CXADR: variants seen among roughly 807,000 people sequenced by gnomAD.
CXADR encodes coxsackievirus and adenovirus receptor.
Under a neutral mutation model 40.3 loss-of-function variants are expected in CXADR, and 20 were observed. The ratio of observed to expected loss-of-function variants is 0.50; its 90% CI spans 0.35 to 0.72. CXADR has a LOEUF of 0.72. Among genes scored for constraint, CXADR ranks in the 30% least tolerant of loss-of-function variants. The pLI, the probability that CXADR is intolerant of heterozygous loss-of-function variation, is 0.01. For missense variants in CXADR, 332 were observed against 449.1 expected (o/e 0.74, Z 2.36); for synonymous variants, 150 against 161.3 (o/e 0.93, Z 0.53).
the CXADR span, chr21:17,604,246 G>A: frequency 8.6e-5 from 40 of 462,492 alleles, no homozygotes; most frequent in East Asian, 2.3e-3. Context: ...TTTGAGAGCA[G>A]TCTGGCCAAC....
the CXADR span, among the ~76,000 whole-genome samples, chr21:17,628,981 C>T: frequency 1.3e-5 from 2 of 152,176 alleles, no homozygotes; most frequent in African/African-American, 2.4e-5. Flanking sequence ...CAAAAACACC[C>T]TCACAGACTC....
chr21:17,545,808 T>G (rs1271367768), intron 1 of CXADR, among the ~76,000 whole-genome samples: 1 of 148,728 alleles, frequency 6.7e-6, no homozygotes, highest in Non-Finnish European at 1.5e-5. Context: ...AGACAGAGTT[T>G]CACTGTTATT....
chr21:17,563,461 A>G (rs887621788), intron 6 of CXADR, among the ~76,000 whole-genome samples: 6 of 152,076 alleles, frequency 3.9e-5, no homozygotes, highest in African/African-American at 1.4e-4. Flanking sequence ...CAGAACACAC[A>G]CAACATTTAT....
chr21:17,578,307 G>GT (rs1382283434), intron 7 of CXADR, among the ~76,000 whole-genome samples: 1 of 151,890 alleles, frequency 6.6e-6, no homozygotes, highest in East Asian at 1.9e-4. Context: ...GTTTTTGTCT[G>GT]TTTGTTTAAT....
the CXADR span, chr21:17,611,795 G>A: frequency 6.6e-6 from 1 of 152,206 alleles, no homozygotes; most frequent in Non-Finnish European, 1.5e-5. Flanking sequence ...AAAACCCAAA[G>A]GGAATCCAGA....
intron 1 of CXADR, among the ~76,000 whole-genome samples, chr21:17,528,939 G>A (rs1478341790): frequency 6.6e-5 from 10 of 152,054 alleles, no homozygotes; most frequent in South Asian, 2.1e-4. Flanking sequence ...TCAGTTCTCC[G>A]GGGCAGTTTC....
At chr21:17,575,714 T>C (rs2846886) in intron 7 of CXADR, among the ~76,000 whole-genome samples, 129,482 of 150,338 alleles carry the variant, frequency 0.86, 55,863 homozygotes, top group South Asian at 0.9. Flanking sequence ...AGGATGGTCT[T>C]GATCTCCTGA....
chr21:17,536,238 C>G (rs1162536181), intron 1 of CXADR, among the ~76,000 whole-genome samples: 1 of 152,164 alleles, frequency 6.6e-6, no homozygotes, highest in Non-Finnish European at 1.5e-5. Context: ...TAACATACTT[C>G]TTTTATGTCA....
the CXADR span, among the ~76,000 whole-genome samples, chr21:17,605,788 TG>T: frequency 6.6e-6 from 1 of 152,168 alleles, no homozygotes; most frequent in African/African-American, 2.4e-5. Context: ...ATAGGGCCTA[TG>T]AAGGAAAAGT....
intron 1 of CXADR, among the ~76,000 whole-genome samples, chr21:17,541,116 C>T (rs1055530198): frequency 2.0e-5 from 3 of 152,114 alleles, no homozygotes; most frequent in Admixed American, 1.3e-4. Flanking sequence ...TTGATGAACC[C>T]GTATTGACAT....
chr21:17,585,460 A>G (rs138312330), intron 7 of CXADR, among the ~76,000 whole-genome samples: 1 of 152,232 alleles, frequency 6.6e-6, no homozygotes, highest in East Asian at 1.9e-4. Flanking sequence ...TCCCCCATCC[A>G]TTAAACTATT....
At chr21:17,612,359 G>A in the CXADR span, 1 of 152,308 alleles carries the variant, frequency 6.6e-6, no homozygotes, top group Non-Finnish European at 1.5e-5. Context: ...GACGCGAAGG[G>A]GGTGGACAGA....
the CXADR span, among the ~76,000 whole-genome samples, chr21:17,603,444 T>C: frequency 3.3e-5 from 5 of 152,170 alleles, no homozygotes; most frequent in African/African-American, 1.2e-4. Flanking sequence ...GCAAATCAGG[T>C]AGTAACCTCA....
rs181271907 is a variant in CXADR at position 17,539,335 on chromosome 21, A to C, written c.44-7692A>C. On this transcript the variant is annotated intron_variant, in intron 1 of 6. Transcript: ENST00000284878. ...TAGAAGTCTTCCAGCCCAGCTTTAA[A>C]ACTGTCGCTGGTTTGTGCTTTCCTT... 1.7e-4 allele frequency among the ~76,000 whole-genome samples: 25 copies of C among 151,238 alleles called. No individual in the cohort carries two copies. The East Asian group carries it at 4.6e-3, about 28-fold the overall frequency.
chr21:17,533,047 A>T (rs1181829677), intron 1 of CXADR, among the ~76,000 whole-genome samples: 2 of 152,182 alleles, frequency 1.3e-5, no homozygotes, highest in Admixed American at 1.3e-4. Flanking sequence ...AGGAGAAGAA[A>T]TGATTGTCAG....
the CXADR span, among the ~76,000 whole-genome samples, chr21:17,600,504 C>G: frequency 3.9e-5 from 6 of 152,050 alleles, no homozygotes; most frequent in Admixed American, 3.9e-4. Flanking sequence ...AAGTAAAAGG[C>G]TTAACTGCTA....
rs889077621 is a variant in CXADR at position 17,513,070 on chromosome 21, C to T, written c.-60C>T. On this transcript the variant is annotated 5_prime_UTR_variant, in exon 1 of 7. Transcript: ENST00000284878. Reference sequence around the variant, plus strand: ...TCGGGAGCGCGCGAGGCGCGGGGAGCCTGGGACCAGGAGCGAGAGCCGCCT... The same window carrying T: ...TCGGGAGCGCGCGAGGCGCGGGGAGTCTGGGACCAGGAGCGAGAGCCGCCT... 3 of 1,320,962 alleles carry T rather than the reference C, an allele frequency of 2.3e-6. No homozygotes were observed. The highest frequency in any genetic ancestry group is 1.5e-5 in the African/African-American group (1 of 64,654). 81.8% of individuals were successfully genotyped at this position (1,320,962 alleles called of 1,614,324 possible).
Position 17,576,558 on chromosome 21 carries a change from G to A in CXADR, c.1017+10947G>A, listed in dbSNP as rs548766938. 3.9e-5 allele frequency among the ~76,000 whole-genome samples: 6 copies of A among 152,256 alleles called. No homozygotes were observed. In the South Asian group the frequency reaches 1.2e-3, roughly 32 times the overall value. On this transcript the variant is annotated intron_variant, in intron 7 of 7. Coordinates refer to the CXADR transcript ENST00000400169. ...ACCTCATATCTCACTAATATAAGGTGACTGTATCCCACTTTTCCGGGGGTA... is the reference window on the plus strand; with the variant it reads ...ACCTCATATCTCACTAATATAAGGTAACTGTATCCCACTTTTCCGGGGGTA...
At chr21:17,608,808 T>TA in the CXADR span, 1 of 650,132 alleles carries the variant, frequency 1.5e-6, no homozygotes. Flanking sequence ...CGCCAACAAA[T>TA]ACTTGTTTTA....
Sources: gnomAD v4.1 joint callset for allele counts (sites outside exome capture counted in the v4.1 genomes callset) on GRCh38, gnomAD v4.1.1 for gene constraint, MANE v1.5 for transcripts, NCBI Gene and HGNC (gene_info 2026-07-23, HGNC 2026-07-21) for gene names.